The following SMAP2 variants were observed in gnomAD, a reference collection of about 807,000 sequenced individuals.
The protein encoded by SMAP2 is small ArfGAP2, also known as stromal membrane-associated protein 2.
SMAP2 carries 25 observed loss-of-function variants against 56.4 expected under a neutral mutation model. That is an observed-to-expected ratio of 0.44 (90% CI 0.32 to 0.62). SMAP2 has a LOEUF of 0.62. Ranked by LOEUF, SMAP2 falls within the 20% of genes least tolerant of loss-of-function variation. The pLI is 0.04. For synonymous variants in SMAP2, 157 were observed against 181.7 expected (o/e 0.86, Z 1.09); for missense variants, 388 against 545.6 (o/e 0.71, Z 2.88).
intron 1 of SMAP2, among the ~76,000 whole-genome samples, chr1:40,402,251 T>G (rs1644841859): frequency 6.6e-6 from 1 of 152,256 alleles, no homozygotes; most frequent in Admixed American, 6.5e-5. Context: ...AGTGATATTT[T>G]GATACATTCA....
chr1:40,360,022 TTTGAGATGGAGTCTCG>T (rs1264664003), intron 1 of SMAP2, among the ~76,000 whole-genome samples: 2 of 146,184 alleles, frequency 1.4e-5, no homozygotes, highest in African/African-American at 5.1e-5. Context: ...TTTTTTTTTT[TTTGAGATGGAGTCTCG>T]CTGTGTCACC....
intron 1 of SMAP2, among the ~76,000 whole-genome samples, chr1:40,403,953 C>T (rs1245324509): frequency 2.0e-5 from 3 of 152,230 alleles, no homozygotes; most frequent in South Asian, 2.1e-4. Context: ...AAAAAATTAG[C>T]TGGGCATGGT....
chr1:40,364,606 TG>T, intron 2 of SMAP2, among the ~76,000 whole-genome samples: 1 of 152,018 alleles, frequency 6.6e-6, no homozygotes, highest in East Asian at 1.9e-4. Flanking sequence ...TAGCTGGACA[TG>T]GTGATGTACG....
chr1:40,420,171 A>G (rs1645028435), intron 9 of SMAP2, among the ~76,000 whole-genome samples: 1 of 151,858 alleles, frequency 6.6e-6, no homozygotes, highest in African/African-American at 2.4e-5. Flanking sequence ...TTGGTGCTAC[A>G]TTTTTCCGTT....
Position 40,374,579 on chromosome 1 carries a change from G to A in SMAP2, c.103+356G>A. ...TGCAAAGCTGGGGATGAACTGCATTGCGTGCGTGCGTGCGTGCGTGTGTGT... is the reference window on the plus strand; with the variant it reads ...TGCAAAGCTGGGGATGAACTGCATTACGTGCGTGCGTGCGTGCGTGTGTGT... On this transcript the variant is annotated intron_variant, in intron 1 of 9. Transcript: ENST00000372718. The surrounding 1 kb of genome is among the most constrained non-coding windows in gnomAD (Gnocchi z 5.9). 9.1e-7 allele frequency: 1 copy of A among 1,100,420 alleles called. No individual in the cohort carries two copies. Among genetic ancestry groups the A allele is most frequent in the Non-Finnish European group, 1.3e-6 (1 of 776,928 alleles). The allele number at this position is 1,100,420 out of a possible 1,614,324, so 68.2% of individuals were successfully genotyped here.
upstream of SMAP2, among the ~76,000 whole-genome samples, chr1:40,371,570 A>G (rs952168769): frequency 1.3e-5 from 2 of 152,228 alleles, no homozygotes; most frequent in African/African-American, 4.8e-5. Context: ...CAACATCTTC[A>G]GCATCAATAG....
intron 1 of SMAP2, chr1:40,375,899 A>G (rs1485035121): frequency 2.9e-6 from 1 of 345,928 alleles, no homozygotes; most frequent in Non-Finnish European, 4.1e-6. Context: ...TGGAAGAGAG[A>G]GGCTGATTCA....
At chr1:40,376,620 G>A (rs1644543493) in intron 1 of SMAP2, among the ~76,000 whole-genome samples, 1 of 152,102 alleles carries the variant, frequency 6.6e-6, no homozygotes, top group South Asian at 2.1e-4. Context: ...ATGATCATTT[G>A]GACAACTATC....
chr1:40,406,820 C>G lies in SMAP2; in HGVS notation c.188C>G (p.Ser63Cys), dbSNP rs1644890247. ...CACAGGAATCTGGGGGTGCACATAT[C>G]CAGGGTAAAGTCAGTTAACCTCGAC... ...GIHRNLGVHISRVKSVNLDQW... is the reference protein window; with the variant it reads ...GIHRNLGVHICRVKSVNLDQW... Residue 63 changes from serine (S) to cysteine (C), a missense_variant, in exon 2 of 10, where the codon TCC becomes TGC. Coordinates refer to ENST00000372718, the MANE Select transcript of SMAP2 (RefSeq NM_022733.3). The G allele has an allele frequency of 6.2e-7, 1 of 1,613,874 alleles. No individual in the cohort carries two copies. The highest frequency in any genetic ancestry group is 1.3e-5 in the African/African-American group (1 of 74,874).
intron 1 of SMAP2, among the ~76,000 whole-genome samples, chr1:40,390,317 T>C: frequency 6.6e-6 from 1 of 152,240 alleles, no homozygotes; most frequent in East Asian, 1.9e-4. Context: ...TGCCATTGGT[T>C]GGGACTTCTC....
At chr1:40,413,539 A>G (rs1297205721) in intron 5 of SMAP2, among the ~76,000 whole-genome samples, 1 of 152,192 alleles carries the variant, frequency 6.6e-6, no homozygotes. Context: ...TTGCTTTGTC[A>G]TGTTGAAACA....
At chr1:40,373,690 T>G, upstream of SMAP2, 3 of 161,084 alleles carry the variant, frequency 1.9e-5, no homozygotes, top group South Asian at 1.4e-4. Context: ...CTGGGCAGGG[T>G]GGAGGTGGGG....
intron 1 of SMAP2, among the ~76,000 whole-genome samples, chr1:40,361,598 C>T (rs906062899): frequency 2.0e-5 from 3 of 152,200 alleles, no homozygotes; most frequent in Non-Finnish European, 2.9e-5. Context: ...GGGGAGCCCA[C>T]TGCCCTGAAG....
At chr1:40,393,836 C>A (rs149900946) in intron 1 of SMAP2, among the ~76,000 whole-genome samples, 1 of 152,138 alleles carries the variant, frequency 6.6e-6, no homozygotes, top group African/African-American at 2.4e-5. Context: ...TGAGGCACCG[C>A]GCCCGGCCAC....
intron 1 of SMAP2, among the ~76,000 whole-genome samples, chr1:40,375,341 G>A (rs1303745829): frequency 6.6e-6 from 1 of 152,056 alleles, no homozygotes; most frequent in Non-Finnish European, 1.5e-5. Flanking sequence ...CAGCGTAGTG[G>A]GCATATACTA....
rs190678390 is a variant in SMAP2, at chr1:40,393,407, A to C, written c.104-13329A>C. On this transcript the variant is annotated intron_variant, in intron 1 of 9. Coordinates refer to ENST00000372718, the MANE Select transcript of SMAP2 (RefSeq NM_022733.3). ...CCGTGGGAGTTGGAATAGGAAGGAG[A>C]AAAGGCTTCATGGGGAAAGTGGGCA... 48 of 1,535,634 alleles carry C rather than the reference A, an allele frequency of 3.1e-5. No homozygotes were observed. The African/African-American group carries it at 5.2e-4, about 17-fold the overall frequency.
intron 1 of SMAP2, among the ~76,000 whole-genome samples, chr1:40,402,593 G>A (rs1644846541): frequency 6.6e-6 from 1 of 152,074 alleles, no homozygotes; most frequent in African/African-American, 2.4e-5. Context: ...GGGATTACAG[G>A]CACGTGCCAC....
rs748451647 is a variant in SMAP2 at position 40,416,984 on chromosome 1, C to A, written c.1052C>A (p.Pro351Gln). 5.0e-6 allele frequency: 8 copies of A among 1,614,146 alleles called. No homozygotes were observed. In the South Asian group the frequency reaches 8.8e-5, roughly 18 times the overall value. ...GGMQASMMGV[P>Q]NGMMTTQQAG... ...ATGCAGGCATCAATGATGGGTGTGC[C>A]GAATGGAATGATGACCACCCAGCAG... The change falls in exon 9 of 10, where the codon CCG becomes CAG. Residue 351 changes from proline to glutamine, a missense_variant. Coordinates refer to ENST00000372718, the MANE Select transcript of SMAP2 (RefSeq NM_022733.3).
upstream of SMAP2, among the ~76,000 whole-genome samples, chr1:40,372,367 C>T (rs1644501845): frequency 6.6e-6 from 1 of 152,086 alleles, no homozygotes; most frequent in Admixed American, 6.5e-5. Context: ...GATTCCAACT[C>T]CTGGGCTCAA....
Sources: gnomAD v4.1 joint callset for allele counts (sites outside exome capture counted in the v4.1 genomes callset) on GRCh38, gnomAD v4.1.1 for gene constraint, Gnocchi (gnomAD v3.1) non-coding constraint, MANE v1.5 for transcripts, NCBI Gene and HGNC (gene_info 2026-07-23, HGNC 2026-07-21) for gene names.